The following CSN2 variants were observed in gnomAD, a reference collection of about 807,000 sequenced individuals.
The protein encoded by CSN2 is casein beta, also known as beta-casein.
Under a neutral mutation model 27.3 loss-of-function variants are expected in CSN2, and 27 were observed. The ratio of observed to expected loss-of-function variants is 0.99; its 90% CI spans 0.73 to 1.36. CSN2 has a LOEUF of 1.36. CSN2 is among the 40% of genes most tolerant of loss of function. The pLI is 0.00. For synonymous variants in CSN2, 131 were observed against 94.8 expected, an observed-to-expected ratio of 1.38 and a Z score of -2.22; for missense variants, 333 against 264.5, an observed-to-expected ratio of 1.26 and a Z score of -1.80.
intron 6 of CSN2, among the ~76,000 whole-genome samples, chr4:69,956,842 A>T (rs1723411701): frequency 6.6e-6 from 1 of 152,158 alleles, no homozygotes; most frequent in Admixed American, 6.6e-5. Flanking sequence ...TACACAAAAA[A>T]CTAGAACAAT....
chr4:69,959,808 A>G (rs1292122532), intron 3 of CSN2, among the ~76,000 whole-genome samples: 1 of 151,938 alleles, frequency 6.6e-6, no homozygotes, highest in Admixed American at 6.6e-5. Context: ...AGAAAACAGG[A>G]CAATATGGTT....
At chr4:69,956,896 G>A (rs1158518622) in intron 6 of CSN2, among the ~76,000 whole-genome samples, 1 of 151,992 alleles carries the variant, frequency 6.6e-6, no homozygotes, top group African/African-American at 2.4e-5. Flanking sequence ...GGATTTGTGG[G>A]GAAAAGTTCT....
rs368355815 is a variant in CSN2, at chr4:69,956,673, A to C, written c.676-318T>G. Among the ~76,000 whole-genome samples, 3 of 152,202 alleles carry C rather than the reference A, an allele frequency of 2.0e-5. No homozygotes were observed. The South Asian group carries it at 6.2e-4, about 31-fold the overall frequency. ...AAAAGAGATGTGCACAAGGAAAATG[A>C]CAGAACATTTTTTAGCTTTTTTTTC... is the stretch of plus-strand genomic sequence containing the variant. On this transcript the variant is annotated intron_variant, in intron 6 of 7. Transcript: ENST00000353151.
At position 69,959,186 on chromosome 4, in the gene CSN2, C is replaced by G. The variant is rs1578144155; in HGVS notation, c.79-117G>C. Reference sequence around the variant, plus strand: ...AATATCATTAATAACTTTGTATAATCATTAAACTTATGTATTAAACTGTTC... The same window carrying G: ...AATATCATTAATAACTTTGTATAATGATTAAACTTATGTATTAAACTGTTC... On this transcript the variant is annotated intron_variant, in intron 3 of 7. Coordinates refer to ENST00000353151, the MANE Select transcript of CSN2 (RefSeq NM_001891.4). The G allele has an allele frequency of 4.9e-6, 4 of 816,264 alleles. No homozygotes were observed. The East Asian group carries it at 8.7e-5, about 18-fold the overall frequency. 50.6% of individuals were successfully genotyped at this position (816,264 alleles called of 1,614,324 possible).
chr4:69,956,358 TA>T lies in CSN2; in HGVS notation c.676-4del. 2 of 1,420,174 alleles carry T rather than the reference TA, an allele frequency of 1.4e-6. No individual in the cohort carries two copies. Among genetic ancestry groups the T allele is most frequent in the Non-Finnish European group, 1.9e-6 (2 of 1,070,226 alleles). 88.0% of individuals were successfully genotyped at this position (1,420,174 alleles called of 1,614,324 possible). Reference sequence around the variant, plus strand: ...TTAACTTTGAAATCTTCTTAGACCTTAAAAATAAACAGATACAAATAAATAA... The same window carrying T: ...TTAACTTTGAAATCTTCTTAGACCTTAAAATAAACAGATACAAATAAATAA... On this transcript the variant is annotated splice_region_variant and splice_polypyrimidine_tract_variant and intron_variant, in intron 6 of 7. Transcript: ENST00000353151.
chr4:69,961,110 A>G, intron 1 of CSN2, 103 bp from the exon 2 acceptor site: 1 of 651,880 alleles, frequency 1.5e-6, no homozygotes. Flanking sequence ...AAAGAGAGAT[A>G]ATATATAACA....
chr4:69,957,295 G>C lies in CSN2; in HGVS notation c.654C>G (p.Ala218=). The change falls in exon 6 of 8, where the codon GCC becomes GCG. Residue 218 remains alanine, a synonymous_variant. Coordinates refer to ENST00000353151, the MANE Select transcript of CSN2 (RefSeq NM_001891.4). ...HQIYPVTQPL[A]PVHNPISV ...TTACACTAATGGGGTTATGAACTGG[G>C]GCAAGTGGCTGAGTCACAGGGTAGA... is the stretch of plus-strand genomic sequence containing the variant. The C allele has an allele frequency of 6.4e-7, 1 of 1,569,234 alleles. No individual in the cohort carries two copies. Among genetic ancestry groups the C allele is most frequent in the Non-Finnish European group, 8.6e-7 (1 of 1,156,418 alleles).
chr4:69,963,055 A>T (rs1203850256), intron 1 of CSN2, among the ~76,000 whole-genome samples: 2 of 152,130 alleles, frequency 1.3e-5, no homozygotes, highest in African/African-American at 2.4e-5. Context: ...CACACCAGTT[A>T]GAATGGCGAT....
At chr4:69,959,325 G>T (rs1723498273) in intron 3 of CSN2, among the ~76,000 whole-genome samples, 1 of 151,940 alleles carries the variant, frequency 6.6e-6, no homozygotes, top group Non-Finnish European at 1.5e-5. Flanking sequence ...CTCATTCCCT[G>T]ACAACAAATG....
intron 1 of CSN2, among the ~76,000 whole-genome samples, chr4:69,962,559 C>A (rs943568168): frequency 3.9e-5 from 6 of 152,156 alleles, no homozygotes; most frequent in Non-Finnish European, 8.8e-5. Context: ...CGGGTCCCTT[C>A]CTTACACCTT....
chr4:69,958,894 T>C lies in CSN2; in HGVS notation c.144+15A>G. On this transcript the variant is annotated intron_variant, in intron 5 of 7. Transcript: ENST00000353151. ...TATAATAATTTTAAACATATACTTA[T>C]CATTAACAAATTACCTCTCCTTGCT... 1 of 1,535,822 alleles carries C rather than the reference T, an allele frequency of 6.5e-7. No homozygotes were observed. The highest frequency in any genetic ancestry group is 2.3e-5 in the East Asian group (1 of 43,904).
At position 69,955,539 on chromosome 4, in the gene CSN2, G is replaced by T. The variant is rs999094478; in HGVS notation, c.*90C>A. 1.3e-5 allele frequency: 2 copies of T among 152,314 alleles called. No individual in the cohort carries two copies. The highest frequency in any genetic ancestry group is 2.1e-4 in the South Asian group (1 of 4,810). The allele number at this position is 152,314 out of a possible 1,614,324, so 9.4% of individuals were successfully genotyped here. ...AACTCATTCAAACATACTTAATTTG[G>T]GGTAACGTGATACAAAGACGGAAAA... On this transcript the variant is annotated 3_prime_UTR_variant, in exon 8 of 8. Transcript: ENST00000353151.
chr4:69,962,704 G>T (rs1463525616), intron 1 of CSN2, among the ~76,000 whole-genome samples: 1 of 152,132 alleles, frequency 6.6e-6, no homozygotes, highest in African/African-American at 2.4e-5. Context: ...AAGACCAAAA[G>T]CAATGGCAAC....
intron 1 of CSN2, among the ~76,000 whole-genome samples, chr4:69,963,045 C>G (rs1723659972): frequency 6.6e-6 from 1 of 152,144 alleles, no homozygotes; most frequent in African/African-American, 2.4e-5. Context: ...GATACCATCT[C>G]ACACCAGTTA....
intron 1 of CSN2, among the ~76,000 whole-genome samples, chr4:69,964,547 A>G (rs1443151915): frequency 6.6e-6 from 1 of 151,844 alleles, no homozygotes; most frequent in Non-Finnish European, 1.5e-5. Flanking sequence ...ATTACAGAAA[A>G]CAAATATTTT....
Position 69,957,677 on chromosome 4 carries a change from A to G in CSN2, c.272T>C (p.Leu91Pro). 1.2e-6 allele frequency: 2 copies of G among 1,614,046 alleles called. No homozygotes were observed. The highest frequency in any genetic ancestry group is 1.7e-6 in the Non-Finnish European group (2 of 1,179,992). The change falls in exon 6 of 8, where the codon CTG becomes CCG. Residue 91 changes from leucine to proline, a missense_variant. Coordinates refer to ENST00000353151, the MANE Select transcript of CSN2 (RefSeq NM_001891.4). ...CATTATTTCAGGCTGAGGGACAGGCAGCACCACAGCAGGCTGAGCAAGAGG... is the reference window on the plus strand; with the variant it reads ...CATTATTTCAGGCTGAGGGACAGGCGGCACCACAGCAGGCTGAGCAAGAGG... ...ILPLAQPAVV[L>P]PVPQPEIMEV...
intron 7 of CSN2, 141 bp from the exon 8 acceptor site, chr4:69,955,733 A>G (rs1300343797): frequency 6.6e-6 from 1 of 152,500 alleles, no homozygotes; most frequent in Non-Finnish European, 1.5e-5. Flanking sequence ...GGAGGCATGT[A>G]AAGTTTGTTC....
rs561089677 is a variant in CSN2, at chr4:69,957,353, T to C, written c.596A>G (p.Asn199Ser). Residue 199 changes from asparagine (N) to serine (S), a missense_variant, in exon 6 of 8, where the codon AAC (asparagine) becomes AGC (serine). By Grantham distance (46) the Asn-to-Ser change is conservative. Coordinates refer to ENST00000353151, the MANE Select transcript of CSN2 (RefSeq NM_001891.4). ...GGTGGGGTTAAGTAGAAGTTCTTGG[T>C]TGAGCAGAAGGGCTTGAACAGGCAC... ...RAVPVQALLL[N>S]QELLLNPTHQ... The C allele has an allele frequency of 6.2e-7, 1 of 1,612,596 alleles. No homozygotes were observed. The highest frequency in any genetic ancestry group is 1.3e-5 in the African/African-American group (1 of 74,938).
intron 3 of CSN2, 100 bp downstream of exon 3, chr4:69,959,953 T>A: frequency 3.0e-6 from 3 of 1,000,120 alleles, no homozygotes; most frequent in Non-Finnish European, 4.7e-6. Flanking sequence ...AACTTATATG[T>A]CATTAACATA....
Sources: allele counts gnomAD v4.1 joint callset (sites outside exome capture counted in the v4.1 genomes callset), GRCh38; gene constraint gnomAD v4.1.1; transcripts MANE v1.5; gene names NCBI Gene and HGNC (gene_info 2026-07-23, HGNC 2026-07-21).